GPC6: variants seen among roughly 807,000 people sequenced by gnomAD.
GPC6 encodes glypican-6.
Under a neutral mutation model 55.2 loss-of-function variants are expected in GPC6, and 14 were observed. The ratio of observed to expected loss-of-function variants is 0.25; its 90% CI spans 0.17 to 0.40. The LOEUF (loss-of-function observed/expected upper bound fraction) is 0.40. Among genes scored for constraint, GPC6 ranks in the 10% least tolerant of loss-of-function variants. The pLI is 1.00. For missense variants in GPC6, 641 were observed against 708.5 expected, an observed-to-expected ratio of 0.90 and a Z score of 1.08; for synonymous variants, 278 against 259.6, an observed-to-expected ratio of 1.07 and a Z score of -0.68.
At chr13:93,542,141 G>T (rs1226258196) in intron 1 of GPC6, among the ~76,000 whole-genome samples, 3 of 152,140 alleles carry the variant, frequency 2.0e-5, no homozygotes, top group East Asian at 1.9e-4. Context: ...TTATTCTAGG[G>T]TTTTTATGGT....
At chr13:94,028,548 TG>T (rs2138721843) in intron 4 of GPC6, among the ~76,000 whole-genome samples, 1 of 152,298 alleles carries the variant, frequency 6.6e-6, no homozygotes, top group African/African-American at 2.4e-5. Context: ...CTTTTTTATT[TG>T]TATTACCTCA....
intron 4 of GPC6, among the ~76,000 whole-genome samples, chr13:94,074,314 G>A (rs1222920010): frequency 6.6e-6 from 1 of 152,194 alleles, no homozygotes; most frequent in East Asian, 1.9e-4. Context: ...CATATGTGGT[G>A]TAAAATTTTC....
intron 1 of GPC6, among the ~76,000 whole-genome samples, chr13:93,489,686 C>G (rs868266437): frequency 0.028 from 4,164 of 151,410 alleles, 119 homozygotes; most frequent in African/African-American, 0.095. Flanking sequence ...AGGTCCTTCA[C>G]GTCCCTTGTA....
chr13:93,277,136 TTTC>T (rs1877783403), intron 1 of GPC6, among the ~76,000 whole-genome samples: 1 of 152,166 alleles, frequency 6.6e-6, no homozygotes, highest in Non-Finnish European at 1.5e-5. Context: ...AATGAATCAT[TTTC>T]TTCTTATTAT....
chr13:94,227,652 G>C (rs1381957218), intron 4 of GPC6, among the ~76,000 whole-genome samples: 2 of 152,146 alleles, frequency 1.3e-5, no homozygotes, highest in Non-Finnish European at 2.9e-5. Context: ...TCTTACTTCA[G>C]TCTGGATAGG....
intron 1 of GPC6, among the ~76,000 whole-genome samples, chr13:93,265,875 ACTGGCAGGAGCCACCGC>A (rs1566546546): frequency 6.6e-6 from 1 of 151,768 alleles, no homozygotes; most frequent in Non-Finnish European, 1.5e-5. Flanking sequence ...CGCAAGGACA[ACTGGCAGGAGCCACCGC>A]AGCTCTCAAT....
At chr13:93,410,823 G>T (rs1295062976) in intron 1 of GPC6, among the ~76,000 whole-genome samples, 1 of 152,066 alleles carries the variant, frequency 6.6e-6, no homozygotes, top group African/African-American at 2.4e-5. Flanking sequence ...GACAAGTCTC[G>T]CTAGAGGGAC....
At chr13:93,779,096 T>G (rs561623870) in intron 2 of GPC6, among the ~76,000 whole-genome samples, 3 of 152,344 alleles carry the variant, frequency 2.0e-5, no homozygotes, top group East Asian at 3.9e-4. Flanking sequence ...CTGCCAAATA[T>G]AATTTTCTGT....
At chr13:93,881,596 C>T (rs1874977389) in intron 3 of GPC6, among the ~76,000 whole-genome samples, 2 of 151,962 alleles carry the variant, frequency 1.3e-5, no homozygotes, top group South Asian at 4.2e-4. Context: ...AATGGGGTGT[C>T]ACTGCTGCTA....
At chr13:93,893,433 T>C (rs11839705) in intron 3 of GPC6, among the ~76,000 whole-genome samples, 10,397 of 152,180 alleles carry the variant, frequency 0.068, 1,099 homozygotes, top group African/African-American at 0.23. Context: ...TCACCAGCGA[T>C]GCAGAAATAT....
intron 2 of GPC6, among the ~76,000 whole-genome samples, chr13:93,654,491 C>G (rs1381320669): frequency 3.9e-5 from 6 of 152,038 alleles, no homozygotes; most frequent in African/African-American, 9.7e-5. Flanking sequence ...CCACACCCAG[C>G]TAATTTTTGT....
intron 2 of GPC6, among the ~76,000 whole-genome samples, chr13:93,595,360 A>G (rs1422171794): frequency 6.6e-6 from 1 of 152,202 alleles, no homozygotes; most frequent in Non-Finnish European, 1.5e-5. Flanking sequence ...GTTGATTAAG[A>G]TGCAAGTTTT....
At chr13:93,646,730 G>A (rs1880188859) in intron 2 of GPC6, among the ~76,000 whole-genome samples, 1 of 151,992 alleles carries the variant, frequency 6.6e-6, no homozygotes, top group South Asian at 2.1e-4. Flanking sequence ...TAACTTGTGA[G>A]AAAGGTGTTG....
intron 3 of GPC6, among the ~76,000 whole-genome samples, chr13:93,884,203 C>A (rs560062539): frequency 1.8e-4 from 28 of 152,224 alleles, no homozygotes; most frequent in Non-Finnish European, 3.8e-4. Flanking sequence ...CACATGAAAT[C>A]ATTCTAAGGC....
chr13:93,431,447 A>AAC (rs1877355668), intron 1 of GPC6, among the ~76,000 whole-genome samples: 1 of 152,166 alleles, frequency 6.6e-6, no homozygotes, highest in African/African-American at 2.4e-5. Context: ...AAAAATACAT[A>AAC]ACAGATAATT....
At chr13:93,423,842 T>C (rs1877019003) in intron 1 of GPC6, among the ~76,000 whole-genome samples, 1 of 152,092 alleles carries the variant, frequency 6.6e-6, no homozygotes, top group Admixed American at 6.6e-5. Flanking sequence ...TTAATAGAGA[T>C]GGCTAATGGC....
At chr13:93,687,505 A>C (rs1399507615) in intron 2 of GPC6, among the ~76,000 whole-genome samples, 1 of 152,106 alleles carries the variant, frequency 6.6e-6, no homozygotes, top group East Asian at 1.9e-4. Context: ...TGCTATATTA[A>C]GTAGTGGTTA....
intron 2 of GPC6, among the ~76,000 whole-genome samples, chr13:93,710,278 G>C (rs1436464963): frequency 1.3e-5 from 2 of 151,806 alleles, no homozygotes; most frequent in Admixed American, 6.6e-5. Context: ...CTCCACAGAG[G>C]ATTACTATTA....
chr13:93,979,310 TGTGTGTGTTTGTGTGTGTTTTTTTGTG>T (rs1566631939), intron 3 of GPC6, among the ~76,000 whole-genome samples: 2 of 149,912 alleles, frequency 1.3e-5, no homozygotes, highest in East Asian at 2.0e-4. Flanking sequence ...TGTGTGTGTG[TGTGTGTGTTTGTGTGTGTTTTTTTGTG>T]TGTGTGTGTT....
Sources: allele counts gnomAD v4.1 joint callset (sites outside exome capture counted in the v4.1 genomes callset), GRCh38; gene constraint gnomAD v4.1.1; transcripts MANE v1.5; gene names NCBI Gene and HGNC (gene_info 2026-07-23, HGNC 2026-07-21).